Variants in SAMTOR observed in about 807,000 individuals in gnomAD.
SAMTOR encodes UPF0532 protein C7orf60.
chr7:112,925,254 A>G, the SAMTOR span, among the ~76,000 whole-genome samples: 1 of 152,196 alleles, frequency 6.6e-6, no homozygotes, highest in Non-Finnish European at 1.5e-5. Flanking sequence ...ATTTGAAACT[A>G]AATCATTCAT....
chr7:112,843,467 G>A, the SAMTOR span, among the ~76,000 whole-genome samples: 1 of 151,966 alleles, frequency 6.6e-6, no homozygotes, highest in South Asian at 2.1e-4. Context: ...TAAAGTCATA[G>A]ATACTAGTTT....
chr7:112,875,098 T>C, the SAMTOR span, among the ~76,000 whole-genome samples: 1 of 152,162 alleles, frequency 6.6e-6, no homozygotes, highest in Non-Finnish European at 1.5e-5. Flanking sequence ...ATGCCTCTGG[T>C]GTCACCTGAC....
the SAMTOR span, among the ~76,000 whole-genome samples, chr7:112,883,152 C>T: frequency 6.6e-6 from 1 of 152,178 alleles, no homozygotes; most frequent in Non-Finnish European, 1.5e-5. Flanking sequence ...CTTGGATTGG[C>T]AGTGACCATC....
the SAMTOR span, among the ~76,000 whole-genome samples, chr7:112,838,273 C>T: frequency 4.6e-5 from 7 of 151,882 alleles, no homozygotes; most frequent in East Asian, 3.9e-4. Context: ...AAATGAGAAT[C>T]GACTGTGTGT....
the SAMTOR span, among the ~76,000 whole-genome samples, chr7:112,837,488 T>C: frequency 6.6e-6 from 1 of 151,846 alleles, no homozygotes; most frequent in African/African-American, 2.4e-5. Context: ...TAGGGTGGTT[T>C]TTCCTTTTTT....
At chr7:112,846,145 C>CTTTTTTTTT in the SAMTOR span, among the ~76,000 whole-genome samples, 9,075 of 128,030 alleles carry the variant, frequency 0.071, 483 homozygotes, top group South Asian at 0.11. Context: ...ATCTGTACAA[C>CTTTTTTTTT]TTTTTTTTTT....
At chr7:112,880,041 T>G in the SAMTOR span, among the ~76,000 whole-genome samples, 1 of 152,164 alleles carries the variant, frequency 6.6e-6, no homozygotes, top group South Asian at 2.1e-4. Context: ...ACAGAATAAA[T>G]TTTTTGAATG....
At chr7:112,865,733 C>CATATATATTTCATATATACATATATTA in the SAMTOR span, among the ~76,000 whole-genome samples, 1 of 136,164 alleles carries the variant, frequency 7.3e-6, no homozygotes, top group East Asian at 2.0e-4. Context: ...TACATATATT[C>CATATATATTTCATATATACATATATTA]ATATATATTT....
the SAMTOR span, among the ~76,000 whole-genome samples, chr7:112,934,618 C>T: frequency 6.6e-6 from 1 of 152,196 alleles, no homozygotes; most frequent in Non-Finnish European, 1.5e-5. Flanking sequence ...CCTCCTTTCT[C>T]CTAGATTCCT....
chr7:112,822,129 G>T, the SAMTOR span: 1 of 1,613,858 alleles, frequency 6.2e-7, no homozygotes. Context: ...GGAGGAATCA[G>T]GTGTGATGAT....
chr7:112,876,037 C>G, the SAMTOR span, among the ~76,000 whole-genome samples: 1 of 152,118 alleles, frequency 6.6e-6, no homozygotes, highest in African/African-American at 2.4e-5. Context: ...CTTAGCTCAC[C>G]ACAGCCTCCG....
the SAMTOR span, among the ~76,000 whole-genome samples, chr7:112,902,128 C>T: frequency 5.3e-5 from 8 of 151,744 alleles, no homozygotes; most frequent in Admixed American, 3.3e-4. Context: ...GCAGGCCGGG[C>T]GTGGTGGCTC....
chr7:112,902,888 T>C, the SAMTOR span, among the ~76,000 whole-genome samples: 2 of 152,232 alleles, frequency 1.3e-5, no homozygotes, highest in Non-Finnish European at 2.9e-5. Context: ...TCTCCTGATG[T>C]ATTAAACTGA....
the SAMTOR span, among the ~76,000 whole-genome samples, chr7:112,857,079 CTTTTTTTTT>C: frequency 1.9e-5 from 2 of 105,782 alleles, no homozygotes; most frequent in African/African-American, 7.5e-5. Flanking sequence ...TTCTTTTAAT[CTTTTTTTTT>C]TTTTTTTTTT....
chr7:112,866,314 T>C, the SAMTOR span, among the ~76,000 whole-genome samples: 4 of 152,234 alleles, frequency 2.6e-5, no homozygotes, highest in Non-Finnish European at 5.9e-5. Flanking sequence ...ATTAAATGTC[T>C]ATATATTTTT....
the SAMTOR span, among the ~76,000 whole-genome samples, chr7:112,878,425 CA>C: frequency 6.6e-6 from 1 of 152,254 alleles, no homozygotes; most frequent in South Asian, 2.1e-4. Context: ...CTTCCTCCCC[CA>C]ACTCTATGAA....
At chr7:112,884,756 G>T in the SAMTOR span, among the ~76,000 whole-genome samples, 81 of 152,316 alleles carry the variant, frequency 5.3e-4, 3 homozygotes, top group East Asian at 0.012. Context: ...AATGCAAGCT[G>T]CTGGTGGATC....
the SAMTOR span, chr7:112,939,864 A>C: frequency 1.3e-6 from 1 of 795,264 alleles, no homozygotes; most frequent in Non-Finnish European, 2.0e-6. Context: ...GAGGCAGAGG[A>C]ACCGGAGCGA....
chr7:112,889,680 C>A, the SAMTOR span, among the ~76,000 whole-genome samples: 1 of 152,156 alleles, frequency 6.6e-6, no homozygotes, highest in Non-Finnish European at 1.5e-5. Flanking sequence ...ATAAGATCAT[C>A]AAAAACAACT....
Sources: allele counts gnomAD v4.1 joint callset (sites outside exome capture counted in the v4.1 genomes callset), GRCh38; gene constraint gnomAD v4.1.1; transcripts MANE v1.5; gene names NCBI Gene and HGNC (gene_info 2026-07-23, HGNC 2026-07-21).